Variants in ITPRID1 observed in about 807,000 individuals in gnomAD.
The protein encoded by ITPRID1 is protein ITPRID1.
ITPRID1 carries 96 observed loss-of-function variants against 95.4 expected under a neutral mutation model. That is an observed-to-expected ratio of 1.01 (90% CI 0.85 to 1.19). The LOEUF (loss-of-function observed/expected upper bound fraction) is 1.19. Ranked by LOEUF, ITPRID1 falls within the 50% of genes most tolerant of loss-of-function variation. The pLI is 0.00. For missense variants in ITPRID1, 1,339 were observed against 1,252.9 expected, an observed-to-expected ratio of 1.07 and a Z score of -1.04; for synonymous variants, 510 against 453.6, an observed-to-expected ratio of 1.12 and a Z score of -1.58.
chr7:31,602,420 G>T (rs1295927350), intron 10 of ITPRID1, among the ~76,000 whole-genome samples: 1 of 152,088 alleles, frequency 6.6e-6, no homozygotes, highest in Non-Finnish European at 1.5e-5. Flanking sequence ...ATACACATAT[G>T]CTGGAGCAGA....
At chr7:31,536,534 A>G (rs1390832519) in intron 1 of ITPRID1, among the ~76,000 whole-genome samples, 1 of 152,078 alleles carries the variant, frequency 6.6e-6, no homozygotes, top group Non-Finnish European at 1.5e-5. Flanking sequence ...TGTTTCCTAT[A>G]ATTTCTTATT....
chr7:31,600,413 C>T (rs956458124), intron 10 of ITPRID1, among the ~76,000 whole-genome samples: 2 of 152,092 alleles, frequency 1.3e-5, no homozygotes, highest in African/African-American at 2.4e-5. Context: ...TAAAAAATGA[C>T]GCATAAAGTG....
intron 1 of ITPRID1, among the ~76,000 whole-genome samples, chr7:31,525,747 T>A (rs1357765359): frequency 6.6e-6 from 1 of 152,162 alleles, no homozygotes; most frequent in African/African-American, 2.4e-5. Flanking sequence ...TTAAAGTCCA[T>A]CTAGTGGAAC....
At chr7:31,607,008 C>G (rs1298391729) in intron 10 of ITPRID1, among the ~76,000 whole-genome samples, 1 of 152,008 alleles carries the variant, frequency 6.6e-6, no homozygotes, top group Non-Finnish European at 1.5e-5. Context: ...AAGCTGTCAT[C>G]CTTGGGTTTC....
intron 1 of ITPRID1, among the ~76,000 whole-genome samples, chr7:31,545,086 A>G (rs574200780): frequency 1.7e-3 from 259 of 152,200 alleles, no homozygotes; most frequent in Middle Eastern, 0.01. Context: ...GTAAGGGGCT[A>G]CACAGGTTGC....
chr7:31,619,408 T>C (rs1465396824), intron 10 of ITPRID1, among the ~76,000 whole-genome samples: 2 of 152,214 alleles, frequency 1.3e-5, no homozygotes, highest in Non-Finnish European at 2.9e-5. Context: ...TACCATTAAT[T>C]AGTTTTCTAT....
intron 5 of ITPRID1, among the ~76,000 whole-genome samples, chr7:31,562,462 T>A (rs968662081): frequency 1.1e-4 from 16 of 152,222 alleles, no homozygotes; most frequent in African/African-American, 3.9e-4. Context: ...AATAAACTCA[T>A]TTCTTTTCAA....
chr7:31,548,919 C>T (rs1339028765), intron 1 of ITPRID1, among the ~76,000 whole-genome samples: 1 of 152,040 alleles, frequency 6.6e-6, no homozygotes, highest in Non-Finnish European at 1.5e-5. Context: ...GACTTCTCTT[C>T]AATGCTGCTC....
rs541233656 is a variant in ITPRID1, at chr7:31,606,863, A to G, written c.1228+23672A>G. Among the ~76,000 whole-genome samples the G allele has an allele frequency of 1.1e-3, 165 of 152,224 alleles. 1 individual carries two copies. Among genetic ancestry groups the G allele is most frequent in the African/African-American group, 3.8e-3 (158 of 41,544 alleles). ...ATGCCTTTCAATATCTTCTCAATAT[A>G]CTTTTTTCAAGAGGTAAATTTTTAT... On this transcript the variant is annotated intron_variant, in intron 10 of 14. Transcript: ENST00000615280.
chr7:31,651,889 C>T, intron 13 of ITPRID1, 50 bp from the exon 14 acceptor site: 1 of 1,317,054 alleles, frequency 7.6e-7, no homozygotes, highest in South Asian at 1.3e-5. Context: ...TGGAAGATTG[C>T]ACCTGGGAAG....
chr7:31,525,608 T>C (rs898037070), intron 1 of ITPRID1, among the ~76,000 whole-genome samples: 6 of 152,280 alleles, frequency 3.9e-5, no homozygotes, highest in Admixed American at 3.9e-4. Context: ...TATAGAAAGA[T>C]TGAATTGACC....
rs564582703 is a variant in ITPRID1 at position 31,625,695 on chromosome 7, C to T, written c.1229-16481C>T. Among the ~76,000 whole-genome samples the T allele has an allele frequency of 1.3e-3, 190 of 151,956 alleles. 1 individual carries two copies. The highest frequency in any genetic ancestry group is 3.9e-3 in the African/African-American group (160 of 41,416). The stretch of plus-strand genomic sequence containing the variant: ...CTAGATGACGAGTTAGTGGGTGCAG[C>T]GCACCAACATGTCACATGTATACAT... On this transcript the variant is annotated intron_variant, in intron 10 of 14. Coordinates refer to ENST00000615280, the MANE Select transcript of ITPRID1 (RefSeq NM_001257967.3).
rs569560584 is a variant in ITPRID1 at position 31,643,807 on chromosome 7, C to A, written c.2437C>A (p.Pro813Thr). 2 of 1,613,976 alleles carry A rather than the reference C, an allele frequency of 1.2e-6. No individual in the cohort carries two copies. The highest frequency in any genetic ancestry group is 1.3e-5 in the African/African-American group (1 of 75,064). The change falls in exon 12 of 15, where the codon CCT (proline) becomes ACT (threonine). Residue 813 changes from proline to threonine, a missense_variant. Pro to Thr is a conservative substitution (Grantham distance 38). Transcript: ENST00000615280. ...CTGCTGCATCTGCTGTCATCACCAC[C>A]CTCACTGCCACGGGGAGAGGCAAAG... is the stretch of plus-strand genomic sequence containing the variant. Reference protein sequence around the residue: ...AHCCICCHHHPHCHGERQSPG... With the variant: ...AHCCICCHHHTHCHGERQSPG...
chr7:31,612,759 G>A (rs952098292), intron 10 of ITPRID1, among the ~76,000 whole-genome samples: 1 of 152,054 alleles, frequency 6.6e-6, no homozygotes. Context: ...GTGCAGCCTC[G>A]AGGTCTTTCA....
intron 10 of ITPRID1, among the ~76,000 whole-genome samples, chr7:31,620,742 G>T (rs911701650): frequency 6.6e-6 from 1 of 152,046 alleles, no homozygotes; most frequent in Non-Finnish European, 1.5e-5. Context: ...CACCAGCAAT[G>T]GAACAAAGCT....
At chr7:31,541,843 G>A (rs1469946289) in intron 1 of ITPRID1, among the ~76,000 whole-genome samples, 1 of 152,002 alleles carries the variant, frequency 6.6e-6, no homozygotes, top group Non-Finnish European at 1.5e-5. Context: ...TATAATTTTT[G>A]TTAAAGAGCA....
At chr7:31,529,948 T>G (rs1224609097) in intron 1 of ITPRID1, 1 of 690,884 alleles carries the variant, frequency 1.4e-6, no homozygotes, top group East Asian at 2.7e-5. Context: ...TTCTGAAACT[T>G]CTTTACCTGC....
At chr7:31,598,658 C>T (rs1469090819) in intron 10 of ITPRID1, among the ~76,000 whole-genome samples, 1 of 152,036 alleles carries the variant, frequency 6.6e-6, no homozygotes, top group East Asian at 1.9e-4. Flanking sequence ...CCGCCTTGGC[C>T]TCCCAAAGTG....
intron 10 of ITPRID1, among the ~76,000 whole-genome samples, chr7:31,619,187 G>C (rs767582236): frequency 6.6e-6 from 1 of 152,194 alleles, no homozygotes; most frequent in Non-Finnish European, 1.5e-5. Context: ...GTACAGGCAA[G>C]GTGTCCTTTC....
Sources: allele counts gnomAD v4.1 joint callset (sites outside exome capture counted in the v4.1 genomes callset), GRCh38; gene constraint gnomAD v4.1.1; transcripts MANE v1.5; gene names NCBI Gene and HGNC (gene_info 2026-07-23, HGNC 2026-07-21).